The following HHIP variants were observed in gnomAD, a reference collection of about 807,000 sequenced individuals.
HHIP encodes hedgehog interacting protein.
In HHIP, 12 loss-of-function variants were observed where a neutral mutation model predicts 74.0. The observed-to-expected ratio is 0.16, with a 90% CI of 0.10 to 0.26. The LOEUF is 0.26. Ranked by LOEUF, HHIP falls within the 10% of genes least tolerant of loss-of-function variation. HHIP has a pLI of 1.00. For missense variants in HHIP, 788 were observed against 845.0 expected (o/e 0.93, Z 0.84); for synonymous variants, 309 against 311.6 (o/e 0.99, Z 0.09).
chr4:144,707,555 C>T (rs1730179844), intron 6 of HHIP, among the ~76,000 whole-genome samples: 1 of 148,990 alleles, frequency 6.7e-6, no homozygotes, highest in South Asian at 2.1e-4. Flanking sequence ...TGCCTCTCAA[C>T]ACTGTGTAAT....
intron 4 of HHIP, among the ~76,000 whole-genome samples, chr4:144,677,950 T>C (rs548159146): frequency 6.6e-6 from 1 of 152,304 alleles, no homozygotes; most frequent in Admixed American, 6.5e-5. Context: ...CAATGAAATA[T>C]GTCCAGGAAG....
intron 4 of HHIP, among the ~76,000 whole-genome samples, chr4:144,679,335 C>T (rs2126618220): frequency 6.6e-6 from 1 of 152,198 alleles, no homozygotes. Flanking sequence ...GTTGCCTGTT[C>T]TCTCTGATGA....
In HHIP at chr4:144,744,376, A is replaced by T. The variant is rs1731331104; in HGVS notation, c.*6419A>T. The stretch of plus-strand genomic sequence containing the variant: ...CTTCTAACATGTTTTGGTTTCTCTA[A>T]TGGTTCATTTTCCTTTAGCTTGTGA... On this transcript the variant is annotated 3_prime_UTR_variant, in exon 13 of 13. Transcript: ENST00000296575. The T allele has an allele frequency of 6.6e-6, 1 of 152,130 alleles. No individual in the cohort carries two copies. The allele number at this position is 152,130 out of a possible 1,614,324, so 9.4% of individuals were successfully genotyped here.
intron 4 of HHIP, among the ~76,000 whole-genome samples, chr4:144,701,323 C>CTTTTT (rs56360210): frequency 6.9e-6 from 1 of 144,344 alleles, no homozygotes; most frequent in Non-Finnish European, 1.5e-5. Context: ...CTGTTTTTTT[C>CTTTTT]TTTTTTTTTT....
At chr4:144,676,677 C>G (rs573161059) in intron 4 of HHIP, among the ~76,000 whole-genome samples, 1 of 152,106 alleles carries the variant, frequency 6.6e-6, no homozygotes, top group Non-Finnish European at 1.5e-5. Context: ...AGGTAGTTTC[C>G]CCACAGGAAT....
intron 4 of HHIP, among the ~76,000 whole-genome samples, chr4:144,670,455 C>CA (rs70956805): frequency 0.16 from 18,605 of 116,612 alleles, 2,097 homozygotes; most frequent in African/African-American, 0.33. Flanking sequence ...AAGAGACTGT[C>CA]AAAAAAAAAA....
chr4:144,660,172 A>G, intron 4 of HHIP: 1 of 361,038 alleles, frequency 2.8e-6, no homozygotes, highest in Non-Finnish European at 4.9e-6. Flanking sequence ...AGCATTTGCT[A>G]GTAGAAACAA....
At chr4:144,678,666 G>T (rs1372318861) in intron 4 of HHIP, among the ~76,000 whole-genome samples, 1 of 152,146 alleles carries the variant, frequency 6.6e-6, no homozygotes, top group South Asian at 2.1e-4. Context: ...TCCTGTGTTA[G>T]TTTGCTGAGA....
chr4:144,692,934 C>T (rs1458671989), intron 4 of HHIP, among the ~76,000 whole-genome samples: 1 of 151,972 alleles, frequency 6.6e-6, no homozygotes, highest in Non-Finnish European at 1.5e-5. Flanking sequence ...ATCCCTGAGC[C>T]CATACTCTTA....
chr4:144,715,456 G>C (rs190995076), intron 10 of HHIP, 26 bp downstream of exon 10: 1 of 1,594,380 alleles, frequency 6.3e-7, no homozygotes, highest in African/African-American at 1.3e-5. Flanking sequence ...GTTCTGTTAA[G>C]TTTCATTCTC....
At chr4:144,672,801 A>C (rs58034003) in intron 4 of HHIP, among the ~76,000 whole-genome samples, 1 of 152,116 alleles carries the variant, frequency 6.6e-6, no homozygotes, top group Admixed American at 6.5e-5. Context: ...TCCCGGGTTC[A>C]AGCGATTCTC....
chr4:144,720,080 T>C (rs1171383098), intron 11 of HHIP, among the ~76,000 whole-genome samples: 5 of 152,208 alleles, frequency 3.3e-5, no homozygotes, highest in Admixed American at 3.3e-4. Context: ...ATATCACAGG[T>C]TGATAACATC....
intron 11 of HHIP, among the ~76,000 whole-genome samples, chr4:144,729,233 G>C (rs1730885531): frequency 6.6e-6 from 1 of 152,134 alleles, no homozygotes; most frequent in South Asian, 2.1e-4. Flanking sequence ...AGGTAAAAGT[G>C]ATGAGTATTG....
rs1560727468 is a variant in HHIP, at chr4:144,739,136, C to G, written c.*1179C>G. 6.6e-6 allele frequency: 1 copy of G among 152,218 alleles called. No homozygotes were observed. Among genetic ancestry groups the G allele is most frequent in the South Asian group, 2.1e-4 (1 of 4,832 alleles). The allele number at this position is 152,218 out of a possible 1,614,324, so 9.4% of individuals were successfully genotyped here. ...TTTAAATGTACGTGTTCCTTCAGAA[C>G]TCAATGAAAATACTCTTTGGCTAAT... On this transcript the variant is annotated 3_prime_UTR_variant, in exon 13 of 13. Coordinates refer to ENST00000296575, the MANE Select transcript of HHIP (RefSeq NM_022475.3).
intron 4 of HHIP, among the ~76,000 whole-genome samples, chr4:144,675,633 T>C (rs1729150713): frequency 6.6e-6 from 1 of 152,156 alleles, no homozygotes; most frequent in Non-Finnish European, 1.5e-5. Flanking sequence ...CTCAGTTTTG[T>C]TAACTATAAT....
intron 11 of HHIP, among the ~76,000 whole-genome samples, chr4:144,721,589 T>G (rs1029997485): frequency 8.2e-6 from 1 of 122,520 alleles, no homozygotes; most frequent in Non-Finnish European, 1.8e-5. Context: ...CAGGAGTTAT[T>G]TAAGGAAAAA....
At chr4:144,676,168 T>C (rs1436654185) in intron 4 of HHIP, among the ~76,000 whole-genome samples, 1 of 152,196 alleles carries the variant, frequency 6.6e-6, no homozygotes, top group Admixed American at 6.5e-5. Context: ...ATGACACTAA[T>C]GTTGGGAATA....
intron 11 of HHIP, among the ~76,000 whole-genome samples, chr4:144,731,469 G>A (rs1560723938): frequency 2.0e-5 from 3 of 152,048 alleles, no homozygotes; most frequent in South Asian, 2.1e-4. Flanking sequence ...GCCCAGGCTG[G>A]AGTGCAATGG....
At chr4:144,647,143 C>T in intron 1 of HHIP, 189 bp downstream of exon 1, 2 of 531,554 alleles carry the variant, frequency 3.8e-6, no homozygotes, top group Non-Finnish European at 6.5e-6. Flanking sequence ...AGCATTTCCT[C>T]CCCCAGAGTC....
Sources: gnomAD v4.1 joint callset for allele counts (sites outside exome capture counted in the v4.1 genomes callset) on GRCh38, gnomAD v4.1.1 for gene constraint, MANE v1.5 for transcripts, NCBI Gene and HGNC (gene_info 2026-07-23, HGNC 2026-07-21) for gene names.